TMEM131L: variants seen among roughly 807,000 people sequenced by gnomAD.
The protein encoded by TMEM131L is transmembrane protein 131-like.
Under a neutral mutation model 192.2 loss-of-function variants are expected in TMEM131L, and 54 were observed. That is an observed-to-expected ratio of 0.28 (90% CI 0.23 to 0.35). The LOEUF (loss-of-function observed/expected upper bound fraction) is 0.35, where lower values mean the gene tolerates loss of function less well. Ranked by LOEUF, TMEM131L falls within the 10% of genes least tolerant of loss-of-function variation. The probability of loss-of-function intolerance (pLI) is 1.00; values close to 1 mark genes in which losing one functional copy is unlikely to be tolerated. For synonymous variants in TMEM131L, 701 were observed against 704.9 expected, an observed-to-expected ratio of 0.99 and a Z score of 0.09; for missense variants, 1,888 against 1,972.9, an observed-to-expected ratio of 0.96 and a Z score of 0.82.
chr4:153,542,186 AGGAAGAGCTTTG>A lies in TMEM131L; in HGVS notation c.240-7885_240-7874del, dbSNP rs549512528. On this transcript the variant is annotated intron_variant, in intron 3 of 34. Transcript: ENST00000409959. Reference sequence around the variant, plus strand: ...ATAGGCTAGAGTGAGAAAAGAGTAGAGGAAGAGCTTTGGAAATGACAGCATGGAAGAGATAGG... The same window carrying A: ...ATAGGCTAGAGTGAGAAAAGAGTAGAGAAATGACAGCATGGAAGAGATAGG... Among the ~76,000 whole-genome samples the A allele has an allele frequency of 2.0e-5, 3 of 152,296 alleles. No individual in the cohort carries two copies. The South Asian group carries it at 6.2e-4, about 32-fold the overall frequency.
At chr4:153,489,021 G>A (rs1304173388) in intron 3 of TMEM131L, among the ~76,000 whole-genome samples, 7 of 152,158 alleles carry the variant, frequency 4.6e-5, no homozygotes, top group Non-Finnish European at 1.0e-4. Context: ...TGGACTAATT[G>A]CATCTGCACC....
intron 3 of TMEM131L, among the ~76,000 whole-genome samples, chr4:153,532,795 A>G (rs1561165601): frequency 1.3e-5 from 2 of 152,120 alleles, no homozygotes; most frequent in Non-Finnish European, 2.9e-5. Context: ...TTTGGACACA[A>G]TCTCATGAAT....
chr4:153,635,935 C>T (rs1403910841), intron 34 of TMEM131L, among the ~76,000 whole-genome samples: 1 of 152,166 alleles, frequency 6.6e-6, no homozygotes, highest in Non-Finnish European at 1.5e-5. Flanking sequence ...ATGAAAGTCC[C>T]AGGAAGGTCA....
chr4:153,594,245 C>A (rs992887795), intron 19 of TMEM131L, among the ~76,000 whole-genome samples: 2 of 82,012 alleles, frequency 2.4e-5, no homozygotes, highest in Admixed American at 1.1e-4. Context: ...TAAAAAAAAT[C>A]TTCTCTTACT....
At chr4:153,565,057 T>C (rs1325984459) in intron 7 of TMEM131L, among the ~76,000 whole-genome samples, 1 of 152,210 alleles carries the variant, frequency 6.6e-6, no homozygotes, top group African/African-American at 2.4e-5. Flanking sequence ...AGTTCAGATA[T>C]CGCCTCTCTG....
At chr4:153,613,663 T>TTA (rs1259857430) in intron 26 of TMEM131L, among the ~76,000 whole-genome samples, 1 of 152,192 alleles carries the variant, frequency 6.6e-6, no homozygotes, top group Non-Finnish European at 1.5e-5. Flanking sequence ...TAGTTAAAAA[T>TTA]TATATATATT....
Position 153,583,592 on chromosome 4 carries a change from C to A in TMEM131L, c.980C>A (p.Ala327Asp). The part of the protein sequence containing the change: ...QDIRHFSQRD[A>D]LSLQFEPVLL... ...ATACGCCATTTCTCACAGAGAGATG[C>A]TCTGTCTCTGCAGTTTGAACCAGTA... The change falls in exon 11 of 35, where the codon GCT (alanine) becomes GAT (aspartate). Residue 327 changes from alanine (A) to aspartate (D), a missense_variant. Ala to Asp is a moderately radical substitution (Grantham distance 126). Coordinates refer to ENST00000409959, the MANE Select transcript of TMEM131L (RefSeq NM_001131007.2). 8 of 1,611,808 alleles carry A rather than the reference C, an allele frequency of 5.0e-6. No homozygotes were observed. The highest frequency in any genetic ancestry group is 6.8e-6 in the Non-Finnish European group (8 of 1,178,880).
intron 4 of TMEM131L, 23 bp downstream of exon 4, chr4:153,550,164 TA>T (rs1737498711): frequency 2.0e-6 from 2 of 1,001,518 alleles, no homozygotes. Flanking sequence ...TCTTTATAAT[TA>T]AAACTCATTT....
chr4:153,492,174 A>T lies in TMEM131L; in HGVS notation c.239+18286A>T, dbSNP rs1302432158. ...ATGCCACCATGCTTAGCTAATTATAAAAAAAAAAAAAGAAGGTTTTTAAAA... is the reference window on the plus strand; with the variant it reads ...ATGCCACCATGCTTAGCTAATTATATAAAAAAAAAAAGAAGGTTTTTAAAA... On this transcript the variant is annotated intron_variant, in intron 3 of 34. Coordinates refer to ENST00000409959, the MANE Select transcript of TMEM131L (RefSeq NM_001131007.2). 6.9e-5 allele frequency among the ~76,000 whole-genome samples: 5 copies of T among 72,212 alleles called. No individual in the cohort carries two copies. The East Asian group carries it at 1.9e-3, about 27-fold the overall frequency. The allele number at this position is 72,212 out of a possible 152,430, so 47.4% of individuals were successfully genotyped here. A position where few individuals can be genotyped will look rare whatever the true frequency, so the allele number is the denominator to read the frequency against.
chr4:153,635,760 G>T (rs959077866), intron 34 of TMEM131L, among the ~76,000 whole-genome samples, 189 bp downstream of exon 34: 2 of 152,190 alleles, frequency 1.3e-5, no homozygotes, highest in African/African-American at 4.8e-5. Flanking sequence ...ATAATTAGAT[G>T]GGTGGGGTCT....
chr4:153,614,571 G>C (rs1013018465), intron 26 of TMEM131L, among the ~76,000 whole-genome samples: 1 of 152,194 alleles, frequency 6.6e-6, no homozygotes, highest in Non-Finnish European at 1.5e-5. Flanking sequence ...CCTGTGGACT[G>C]TGATCTTCCT....
intron 7 of TMEM131L, chr4:153,558,911 T>G (rs1173749621): frequency 1.3e-5 from 2 of 152,262 alleles, no homozygotes; most frequent in African/African-American, 2.4e-5. Context: ...TCTTTTAATA[T>G]ACATTTCATG....
intron 25 of TMEM131L, among the ~76,000 whole-genome samples, chr4:153,605,264 T>C (rs895896960): frequency 2.6e-5 from 4 of 152,254 alleles, no homozygotes; most frequent in Admixed American, 2.0e-4. Flanking sequence ...TATCCTTTAA[T>C]AGATCCCTTT....
chr4:153,596,426 G>T, intron 20 of TMEM131L, 41 bp downstream of exon 20: 1 of 1,606,482 alleles, frequency 6.2e-7, no homozygotes, highest in South Asian at 1.1e-5. Context: ...CTTTCTCAAT[G>T]ACTCATCTGT....
intron 24 of TMEM131L, 68 bp from the exon 25 acceptor site, chr4:153,603,734 A>G (rs1193602552): frequency 1.7e-4 from 250 of 1,474,466 alleles, no homozygotes; most frequent in Non-Finnish European, 6.4e-6. Flanking sequence ...TCTCATGGAT[A>G]TGGAAGCAGA....
At chr4:153,606,831 T>C (rs565275238) in intron 25 of TMEM131L, among the ~76,000 whole-genome samples, 6 of 152,324 alleles carry the variant, frequency 3.9e-5, no homozygotes, top group East Asian at 1.9e-4. Flanking sequence ...GAAAGAACTT[T>C]TGCTTTCCAC....
chr4:153,583,764 C>A, intron 11 of TMEM131L, 92 bp downstream of exon 11: 1 of 746,520 alleles, frequency 1.3e-6, no homozygotes, highest in Non-Finnish European at 2.3e-6. Context: ...GGCATGGTTT[C>A]AAAAAAGTGA....
At chr4:153,543,908 C>T (rs1459620669) in intron 3 of TMEM131L, among the ~76,000 whole-genome samples, 1 of 151,896 alleles carries the variant, frequency 6.6e-6, no homozygotes, top group Non-Finnish European at 1.5e-5. Flanking sequence ...GTTAGCATAA[C>T]ATGTCATTCC....
chr4:153,595,083 G>C (rs1273177657), intron 19 of TMEM131L, among the ~76,000 whole-genome samples: 1 of 152,132 alleles, frequency 6.6e-6, no homozygotes, highest in Non-Finnish European at 1.5e-5. Flanking sequence ...TTTGGGATAA[G>C]AGAAATTATT....
Sources: gnomAD v4.1 joint callset for allele counts (sites outside exome capture counted in the v4.1 genomes callset) on GRCh38, gnomAD v4.1.1 for gene constraint, MANE v1.5 for transcripts, NCBI Gene and HGNC (gene_info 2026-07-23, HGNC 2026-07-21) for gene names.